The following RIMBP2 variants were observed in gnomAD, a reference collection of about 807,000 sequenced individuals.
RIMBP2 encodes RIMS binding protein 2, also known as RIMS-binding protein 2.
A neutral mutation model predicts 118.6 loss-of-function variants in RIMBP2; 48 were observed. The ratio of observed to expected loss-of-function variants is 0.40; its 90% CI spans 0.32 to 0.51. RIMBP2 has a LOEUF of 0.51. Among genes scored for constraint, RIMBP2 ranks in the 20% least tolerant of loss-of-function variants. RIMBP2 has a pLI of 0.41. For missense variants in RIMBP2, 1,551 were observed against 1,768.3 expected, an observed-to-expected ratio of 0.88 and a Z score of 2.20; for synonymous variants, 762 against 742.9, an observed-to-expected ratio of 1.03 and a Z score of -0.42.
intron 3 of RIMBP2, among the ~76,000 whole-genome samples, chr12:130,508,966 A>AC (rs918313673): frequency 6.6e-6 from 1 of 151,472 alleles, no homozygotes; most frequent in African/African-American, 2.4e-5. Flanking sequence ...CATGGCCTGC[A>AC]CCCCCCGTAC....
chr12:130,680,757 C>T (rs1431274521), intron 1 of RIMBP2, among the ~76,000 whole-genome samples: 1 of 152,206 alleles, frequency 6.6e-6, no homozygotes, highest in Non-Finnish European at 1.5e-5. Context: ...GTGCATGGAA[C>T]AGCCCCATGA....
intron 2 of RIMBP2, among the ~76,000 whole-genome samples, chr12:130,624,220 TA>T (rs1308761150): frequency 6.6e-6 from 1 of 152,242 alleles, no homozygotes; most frequent in Non-Finnish European, 1.5e-5. Context: ...TAGTTTTCTT[TA>T]AAGCACATAC....
At chr12:130,413,336 GCTCCT>G (rs1403489045) in intron 18 of RIMBP2, among the ~76,000 whole-genome samples, 1 of 151,920 alleles carries the variant, frequency 6.6e-6, no homozygotes, top group Non-Finnish European at 1.5e-5. Flanking sequence ...GACTCACAAG[GCTCCT>G]CTCCTCTCAG....
intron 9 of RIMBP2, among the ~76,000 whole-genome samples, chr12:130,448,322 C>G (rs948621300): frequency 2.0e-5 from 3 of 152,162 alleles, no homozygotes; most frequent in Non-Finnish European, 4.4e-5. Context: ...CAGCTCCCCC[C>G]AGAAAAGCCA....
chr12:130,463,055 CA>C (rs1430034861), intron 6 of RIMBP2, among the ~76,000 whole-genome samples: 4 of 152,224 alleles, frequency 2.6e-5, no homozygotes, highest in South Asian at 4.1e-4. Flanking sequence ...TCGTGACTGC[CA>C]GGGGGGTCCC....
intron 2 of RIMBP2, among the ~76,000 whole-genome samples, chr12:130,546,327 G>C (rs1402995132): frequency 6.7e-6 from 1 of 149,752 alleles, no homozygotes; most frequent in Non-Finnish European, 1.5e-5. Flanking sequence ...ACAGAATCTC[G>C]CTCTGTCGCC....
At chr12:130,657,339 T>G (rs2063471987) in intron 1 of RIMBP2, among the ~76,000 whole-genome samples, 1 of 152,164 alleles carries the variant, frequency 6.6e-6, no homozygotes, top group Non-Finnish European at 1.5e-5. Context: ...TTCAACACCT[T>G]TGTGGGATGG....
At chr12:130,465,884 C>T (rs1479762261) in intron 6 of RIMBP2, 2 of 152,396 alleles carry the variant, frequency 1.3e-5, no homozygotes. Flanking sequence ...CCTCTGCCCC[C>T]ACCCAGCACC....
intron 2 of RIMBP2, among the ~76,000 whole-genome samples, chr12:130,548,245 AC>A (rs2055367403): frequency 6.6e-6 from 1 of 152,162 alleles, no homozygotes; most frequent in South Asian, 2.1e-4. Flanking sequence ...ATACACAGAG[AC>A]AAAGCAAACT....
At chr12:130,605,115 T>C (rs11061021) in intron 2 of RIMBP2, among the ~76,000 whole-genome samples, 105,023 of 151,830 alleles carry the variant, frequency 0.69, 36,520 homozygotes, top group South Asian at 0.81. Flanking sequence ...ATGACGAGAT[T>C]GCCAGCACGC....
rs564116573 is a variant in RIMBP2, at chr12:130,472,367, AC to A, written c.103-1625del. The A allele has an allele frequency of 9.2e-5, 14 of 152,366 alleles. No individual in the cohort carries two copies. The East Asian group carries it at 2.5e-3, about 27-fold the overall frequency. The allele number at this position is 152,366 out of a possible 1,614,324, so 9.4% of individuals were successfully genotyped here. Reference sequence around the variant, plus strand: ...TAATGAGACAGAGAAGAAAAGACGAACCAGGCTCCCGCCTGCAGCACAGTCC... The same window carrying A: ...TAATGAGACAGAGAAGAAAAGACGAACAGGCTCCCGCCTGCAGCACAGTCC... On this transcript the variant is annotated intron_variant, in intron 5 of 22. Transcript: ENST00000690449.
chr12:130,552,878 C>A (rs2055946296), intron 2 of RIMBP2, among the ~76,000 whole-genome samples: 1 of 152,076 alleles, frequency 6.6e-6, no homozygotes, highest in Non-Finnish European at 1.5e-5. Flanking sequence ...GGTCGCCGGG[C>A]GTGGTGGCTC....
intron 5 of RIMBP2, among the ~76,000 whole-genome samples, chr12:130,477,529 T>C (rs1303614281): frequency 6.6e-6 from 1 of 152,168 alleles, no homozygotes; most frequent in Non-Finnish European, 1.5e-5. Context: ...TAACATCTAA[T>C]GAAATATTGC....
At chr12:130,632,312 T>C (rs1454478585) in intron 1 of RIMBP2, among the ~76,000 whole-genome samples, 1 of 152,232 alleles carries the variant, frequency 6.6e-6, no homozygotes, top group African/African-American at 2.4e-5. Context: ...TAAGGAATCA[T>C]GTTCTCTCAG....
intron 10 of RIMBP2, 30 bp downstream of exon 10, chr12:130,445,130 C>T (rs770942155): frequency 1.1e-5 from 16 of 1,470,234 alleles, no homozygotes; most frequent in South Asian, 3.8e-5. Context: ...GCCCAGCCTA[C>T]GTCCGCCACA....
At chr12:130,656,313 A>T (rs2063427009) in intron 1 of RIMBP2, among the ~76,000 whole-genome samples, 1 of 151,886 alleles carries the variant, frequency 6.6e-6, no homozygotes, top group South Asian at 2.1e-4. Flanking sequence ...ATCTCCAGGG[A>T]CCCCTGGCAG....
intron 10 of RIMBP2, 87 bp downstream of exon 10, chr12:130,445,073 T>C: frequency 1.2e-6 from 1 of 820,180 alleles, no homozygotes; most frequent in Non-Finnish European, 1.9e-6. Flanking sequence ...TTGGGAGCCC[T>C]GCCTATCTAT....
chr12:130,705,981 G>A (rs2066098187), intron 1 of RIMBP2, among the ~76,000 whole-genome samples: 4 of 152,242 alleles, frequency 2.6e-5, no homozygotes, highest in Non-Finnish European at 4.4e-5. Context: ...ATACACTGCG[G>A]AAGCATCTAC....
Position 130,434,671 on chromosome 12 carries a change from C to T in RIMBP2, c.2253+63G>A. Reference sequence around the variant, plus strand: ...GAAAGTGCCCATGTCTCTTGATCTCCACGGGGCCCGCTCCGAGCCCGCGCC... The same window carrying T: ...GAAAGTGCCCATGTCTCTTGATCTCTACGGGGCCCGCTCCGAGCCCGCGCC... On this transcript the variant is annotated intron_variant, in intron 14 of 22. Transcript: ENST00000690449. The surrounding 1 kb of genome is among the most constrained non-coding windows in gnomAD (Gnocchi z 5.7). 6 of 1,540,600 alleles carry T rather than the reference C, an allele frequency of 3.9e-6. No individual in the cohort carries two copies. Among genetic ancestry groups the T allele is most frequent in the Non-Finnish European group, 5.2e-6 (6 of 1,146,106 alleles).
Sources: gnomAD v4.1 joint callset for allele counts (sites outside exome capture counted in the v4.1 genomes callset) on GRCh38, gnomAD v4.1.1 for gene constraint, Gnocchi (gnomAD v3.1) non-coding constraint, MANE v1.5 for transcripts, NCBI Gene and HGNC (gene_info 2026-07-23, HGNC 2026-07-21) for gene names.